The following CEP20 variants were observed in gnomAD, a reference collection of about 807,000 sequenced individuals.
The protein encoded by CEP20 is FGFR1OP N-terminal like.
In CEP20, 18 loss-of-function variants were observed where a neutral mutation model predicts 20.0. The observed-to-expected ratio is 0.90, with a 90% confidence interval of 0.62 to 1.34. The LOEUF (loss-of-function observed/expected upper bound fraction) is 1.34, where lower values mean the gene tolerates loss of function less well. Among genes scored for constraint, CEP20 ranks in the 40% most tolerant of loss-of-function variants. CEP20 has a pLI of 0.00. For synonymous variants in CEP20, 77 were observed against 73.7 expected (o/e 1.04, Z -0.23); for missense variants, 215 against 201.6 (o/e 1.07, Z -0.40).
rs778784920 is a variant in CEP20 at position 15,879,891 on chromosome 16, G to A, written c.227-3C>T. On this transcript the variant is annotated splice_region_variant and splice_polypyrimidine_tract_variant and intron_variant, in intron 2 of 4. Coordinates refer to ENST00000255759, the MANE Select transcript of CEP20 (RefSeq NM_144600.4). ...CGGAACTACAGGTTGACCAGATTCT[G>A]GGAGAAATAAATTCATGAGAACACT... 1 of 1,572,964 alleles carries A rather than the reference G, an allele frequency of 6.4e-7. No homozygotes were observed. Among genetic ancestry groups the A allele is most frequent in the Non-Finnish European group, 8.6e-7 (1 of 1,164,538 alleles).
At chr16:15,884,336 G>T in intron 1 of CEP20, 131 bp from the exon 2 acceptor site, 1 of 728,528 alleles carries the variant, frequency 1.4e-6, no homozygotes, top group Non-Finnish European at 2.2e-6. Flanking sequence ...TCTAAACATT[G>T]TGACAAATTA....
At chr16:15,874,246 T>C (rs2044890331) in intron 3 of CEP20, among the ~76,000 whole-genome samples, 1 of 152,248 alleles carries the variant, frequency 6.6e-6, no homozygotes, top group Non-Finnish European at 1.5e-5. Context: ...AAATGGTATA[T>C]AAATGTTAGC....
intron 3 of CEP20, among the ~76,000 whole-genome samples, chr16:15,878,704 T>C (rs568868414): frequency 6.6e-6 from 1 of 152,248 alleles, no homozygotes; most frequent in Admixed American, 6.6e-5. Context: ...TTCGCCATGT[T>C]GACCAGGCTG....
intron 4 of CEP20, among the ~76,000 whole-genome samples, chr16:15,872,052 A>T (rs144773334): frequency 1.3e-5 from 2 of 152,142 alleles, no homozygotes; most frequent in South Asian, 4.1e-4. Flanking sequence ...CGGTGGCTCA[A>T]GCCTGTAATC....
intron 4 of CEP20, among the ~76,000 whole-genome samples, chr16:15,871,366 GA>G (rs1206241467): frequency 1.7e-5 from 2 of 120,946 alleles, no homozygotes; most frequent in Non-Finnish European, 3.7e-5. Context: ...TAAAAAGGGA[GA>G]AGAATTGAGG....
rs565963777 is a variant in CEP20 at position 15,876,416 on chromosome 16, C to A, written c.312-2789G>T. On this transcript the variant is annotated intron_variant, in intron 3 of 4. Coordinates refer to ENST00000255759, the MANE Select transcript of CEP20 (RefSeq NM_144600.4). ...CTTGAACCTGGGAGGCGGCAGTTGC[C>A]GTGAGCCGAGATCACGCCACTGCAC... Among the ~76,000 whole-genome samples the A allele has an allele frequency of 3.1e-3, 473 of 151,306 alleles. 3 individuals carry two copies. Among genetic ancestry groups the A allele is most frequent in the African/African-American group, 0.011 (453 of 41,296 alleles).
intron 1 of CEP20, among the ~76,000 whole-genome samples, chr16:15,886,720 A>G (rs1157283724): frequency 6.6e-6 from 1 of 152,162 alleles, no homozygotes; most frequent in Non-Finnish European, 1.5e-5. Flanking sequence ...TAAAAAAGGT[A>G]AATGCCCATA....
At chr16:15,876,516 A>C (rs1034891910) in intron 3 of CEP20, among the ~76,000 whole-genome samples, 2 of 151,406 alleles carry the variant, frequency 1.3e-5, no homozygotes, top group African/African-American at 2.4e-5. Flanking sequence ...CCCACACTGG[A>C]GTGCAGCAGC....
At chr16:15,868,964 A>C (rs1433816801) in intron 4 of CEP20, among the ~76,000 whole-genome samples, 1 of 151,916 alleles carries the variant, frequency 6.6e-6, no homozygotes, top group Non-Finnish European at 1.5e-5. Flanking sequence ...GCTACTTGGG[A>C]GGCTGAGGTG....
chr16:15,880,751 C>A (rs1597004097), intron 2 of CEP20, among the ~76,000 whole-genome samples: 1 of 151,860 alleles, frequency 6.6e-6, no homozygotes, highest in East Asian at 1.9e-4. Flanking sequence ...GTGTTTACAG[C>A]TGCTGCCCAT....
intron 1 of CEP20, among the ~76,000 whole-genome samples, chr16:15,886,394 T>C (rs2045249277): frequency 6.6e-6 from 1 of 152,188 alleles, no homozygotes; most frequent in African/African-American, 2.4e-5. Flanking sequence ...AACAGGTCCA[T>C]AAAAGGAAGG....
At position 15,866,074 on chromosome 16, in the gene CEP20, T is replaced by C. The variant is rs1596979824; in HGVS notation, c.*1366A>G. The stretch of plus-strand genomic sequence containing the variant: ...AGATTTAAAAATGGAAAATGGACTC[T>C]TGCAATACTTCTGCATCCATATATA... On this transcript the variant is annotated 3_prime_UTR_variant, in exon 5 of 5. Coordinates refer to ENST00000255759, the MANE Select transcript of CEP20 (RefSeq NM_144600.4). The C allele has an allele frequency of 3.3e-5, 5 of 152,308 alleles. No homozygotes were observed. The East Asian group carries it at 5.8e-4, about 18-fold the overall frequency. The allele number at this position is 152,308 out of a possible 1,614,324, so 9.4% of individuals were successfully genotyped here.
chr16:15,876,549 T>TA (rs2044954080), intron 3 of CEP20, among the ~76,000 whole-genome samples: 1 of 151,970 alleles, frequency 6.6e-6, no homozygotes, highest in African/African-American at 2.4e-5. Flanking sequence ...CACTGCAGCC[T>TA]CAATCTCCTG....
At position 15,867,973 on chromosome 16, in the gene CEP20, C is replaced by CAAAAAA. The variant is rs34250443; in HGVS notation, c.449-463_449-458dup. Among the ~76,000 whole-genome samples the CAAAAAA allele has an allele frequency of 7.2e-5, 5 of 69,610 alleles. No homozygotes were observed. In the South Asian group the frequency reaches 2.5e-3, roughly 35 times the overall value. The allele number at this position is 69,610 out of a possible 152,430, so 45.7% of individuals were successfully genotyped here. On this transcript the variant is annotated intron_variant, in intron 4 of 4. Transcript: ENST00000255759. ...GGGCAACAAGAGTGAAACTCGGTCT[C>CAAAAAA]AAAAAAAAAAAAAAAAAAAAGAAAG...
At chr16:15,872,525 G>A (rs897798521) in intron 4 of CEP20, among the ~76,000 whole-genome samples, 6 of 151,954 alleles carry the variant, frequency 3.9e-5, no homozygotes, top group East Asian at 3.9e-4. Flanking sequence ...TAGTGAACAC[G>A]GTTGAGACTT....
At position 15,867,296 on chromosome 16, in the gene CEP20, C is replaced by A; in HGVS notation, c.*144G>T. On this transcript the variant is annotated 3_prime_UTR_variant, in exon 5 of 5. Transcript: ENST00000255759. ...GATGACAAGAGTTAGCTTTTATTCA[C>A]AAATGTAGTTAAACATGAGGGGTGT... 1 of 505,842 alleles carries A rather than the reference C, an allele frequency of 2.0e-6. No individual in the cohort carries two copies. The highest frequency in any genetic ancestry group is 4.2e-5 in the South Asian group (1 of 23,996). 31.3% of individuals were successfully genotyped at this position (505,842 alleles called of 1,614,324 possible).
rs922088358 is a variant in CEP20 at position 15,886,567 on chromosome 16, G to A, written c.28+1991C>T. On this transcript the variant is annotated intron_variant, in intron 1 of 4. Transcript: ENST00000255759. ...ACTGGACAGAGAAACGAGAATTAGTGACAGTGGAATGAGGAAAGCTAGCAT... is the reference window on the plus strand; with the variant it reads ...ACTGGACAGAGAAACGAGAATTAGTAACAGTGGAATGAGGAAAGCTAGCAT... Among the ~76,000 whole-genome samples the A allele has an allele frequency of 1.5e-4, 23 of 152,184 alleles. 1 individual carries two copies. The highest frequency in any genetic ancestry group is 5.5e-4 in the African/African-American group (23 of 41,452).
rs1157715274 is a variant in CEP20, at chr16:15,877,830, AG to A, written c.311+1973del. Among the ~76,000 whole-genome samples the A allele has an allele frequency of 3.1e-4, 41 of 132,086 alleles. No homozygotes were observed. In the East Asian group the frequency reaches 0.012, roughly 40 times the overall value. 86.7% of individuals were successfully genotyped at this position (132,086 alleles called of 152,430 possible). A position where few individuals can be genotyped will look rare whatever the true frequency, so the allele number is the denominator to read the frequency against. The stretch of plus-strand genomic sequence containing the variant: ...AGCACTTTGGGAGGTGGAGGTGGGC[AG>A]ATCACTTGAGGCCAGGAGTTCGAGA... On this transcript the variant is annotated intron_variant, in intron 3 of 4. Transcript: ENST00000255759.
chr16:15,876,475 G>GTAAA (rs2044951931), intron 3 of CEP20, among the ~76,000 whole-genome samples: 1 of 139,896 alleles, frequency 7.1e-6, no homozygotes. Context: ...ACTCTGTCTC[G>GTAAA]AAAAAAAAAA....
Sources: allele counts gnomAD v4.1 joint callset (sites outside exome capture counted in the v4.1 genomes callset), GRCh38; gene constraint gnomAD v4.1.1; transcripts MANE v1.5; gene names NCBI Gene and HGNC (gene_info 2026-07-23, HGNC 2026-07-21).